Variants in EXOC6 observed in about 807,000 individuals in gnomAD.
The protein encoded by EXOC6 is exocyst complex component 6, also known as SEC15-like 1.
EXOC6 carries 60 observed loss-of-function variants against 112.5 expected under a neutral mutation model. The ratio of observed to expected loss-of-function variants is 0.53; its 90% confidence interval spans 0.43 to 0.66. The LOEUF is 0.66. EXOC6 is among the 30% of genes least tolerant of loss of function. The pLI is 0.00. For synonymous variants in EXOC6, 295 were observed against 308.0 expected (o/e 0.96, Z 0.44); for missense variants, 855 against 957.1 (o/e 0.89, Z 1.41).
intron 18 of EXOC6, among the ~76,000 whole-genome samples, chr10:92,997,196 T>A (rs1324822598): frequency 1.3e-5 from 2 of 152,182 alleles, no homozygotes; most frequent in African/African-American, 4.8e-5. Context: ...AGATCTGAAA[T>A]AATAGTTTTT....
chr10:92,924,864 C>A (rs1806691679), intron 8 of EXOC6, among the ~76,000 whole-genome samples: 1 of 152,122 alleles, frequency 6.6e-6, no homozygotes, highest in Non-Finnish European at 1.5e-5. Context: ...TATACCACTC[C>A]ACATGCCTCT....
chr10:92,899,521 T>C (rs762604764), intron 4 of EXOC6, 78 bp from the exon 5 acceptor site: 59 of 1,021,122 alleles, frequency 5.8e-5, no homozygotes, highest in Non-Finnish European at 8.6e-5. Flanking sequence ...ATATACTCTT[T>C]CCTGCTTTGA....
chr10:92,984,855 C>T (rs182072500), intron 18 of EXOC6, among the ~76,000 whole-genome samples: 16 of 151,888 alleles, frequency 1.1e-4, no homozygotes, highest in Admixed American at 3.9e-4. Flanking sequence ...AAAAATCAGC[C>T]GGGTGTGGTG....
intron 8 of EXOC6, among the ~76,000 whole-genome samples, chr10:92,923,388 AAAC>A (rs1239978371): frequency 1.3e-5 from 2 of 152,206 alleles, no homozygotes; most frequent in Non-Finnish European, 2.9e-5. Flanking sequence ...CACTGCCTTA[AAAC>A]AACAAACATT....
At chr10:92,919,405 A>G (rs139469367) in intron 7 of EXOC6, among the ~76,000 whole-genome samples, 437 of 152,350 alleles carry the variant, frequency 2.9e-3, no homozygotes, top group African/African-American at 9.4e-3. Flanking sequence ...GAGAAACTTT[A>G]TAGTACTACA....
intron 21 of EXOC6, among the ~76,000 whole-genome samples, chr10:93,057,251 A>C (rs1341161734): frequency 6.6e-6 from 1 of 152,126 alleles, no homozygotes; most frequent in Non-Finnish European, 1.5e-5. Flanking sequence ...TGTGAACAAA[A>C]CATCTTTCCT....
At chr10:92,826,987 G>A (rs1054244861) in intron 1 of EXOC6, among the ~76,000 whole-genome samples, 6 of 152,186 alleles carry the variant, frequency 3.9e-5, no homozygotes, top group African/African-American at 1.4e-4. Context: ...AGGGCAGAGG[G>A]AGAGGCAGAA....
Position 93,056,921 on chromosome 10 carries a change from C to T in EXOC6, c.2170-3C>T, listed in dbSNP as rs769033414. 4.1e-5 allele frequency: 64 copies of T among 1,560,238 alleles called. No individual in the cohort carries two copies. The highest frequency in any genetic ancestry group is 5.5e-5 in the Non-Finnish European group (63 of 1,143,860). On this transcript the variant is annotated splice_region_variant and splice_polypyrimidine_tract_variant and intron_variant, in intron 20 of 21. Transcript: ENST00000260762. ...GATTTAACATTTCCCCCATCTTTCG[C>T]AGCTCCTTGACCTGTTTATGGTTTG...
At chr10:93,031,518 T>TC in intron 20 of EXOC6, among the ~76,000 whole-genome samples, 1 of 146,314 alleles carries the variant, frequency 6.8e-6, no homozygotes, top group Non-Finnish European at 1.5e-5. Context: ...TTCTTTTTTT[T>TC]TTTTTTTTTT....
At chr10:92,972,064 T>C (rs534594191) in intron 17 of EXOC6, among the ~76,000 whole-genome samples, 16 of 152,336 alleles carry the variant, frequency 1.1e-4, no homozygotes, top group Non-Finnish European at 1.9e-4. Context: ...CATCTGGTGA[T>C]TGGATACAGA....
intron 20 of EXOC6, among the ~76,000 whole-genome samples, chr10:93,055,261 T>A (rs1448896499): frequency 2.0e-5 from 3 of 152,260 alleles, no homozygotes; most frequent in African/African-American, 7.2e-5. Context: ...TAAAATTCTT[T>A]GTAAACATTA....
intron 1 of EXOC6, among the ~76,000 whole-genome samples, chr10:92,854,007 CAAAA>C (rs34153493): frequency 4.2e-5 from 5 of 120,068 alleles, no homozygotes; most frequent in Non-Finnish European, 3.5e-5. Flanking sequence ...GTCCCTGTCT[CAAAA>C]AAAAAAAAAA....
intron 6 of EXOC6, among the ~76,000 whole-genome samples, chr10:92,914,729 T>G (rs1229839880): frequency 2.6e-5 from 4 of 152,082 alleles, no homozygotes; most frequent in Non-Finnish European, 5.9e-5. Context: ...TCTGATAACC[T>G]AAGTGTAGAG....
intron 20 of EXOC6, among the ~76,000 whole-genome samples, chr10:93,039,919 G>C (rs1000905186): frequency 2.0e-5 from 3 of 152,106 alleles, no homozygotes; most frequent in Non-Finnish European, 4.4e-5. Context: ...TCTCTCTAGT[G>C]GCAGGATGCA....
chr10:93,055,314 CTACT>C (rs761883866), intron 20 of EXOC6, among the ~76,000 whole-genome samples: 13 of 152,230 alleles, frequency 8.5e-5, no homozygotes, highest in Non-Finnish European at 1.5e-4. Context: ...ATAGACCTCA[CTACT>C]TAACCAGTCT....
intron 1 of EXOC6, among the ~76,000 whole-genome samples, chr10:92,869,567 C>G (rs1212360593): frequency 6.6e-6 from 1 of 152,160 alleles, no homozygotes; most frequent in Admixed American, 6.5e-5. Context: ...TACTTGGCCT[C>G]CTAAAGTATT....
At chr10:92,845,480 G>C (rs1216982562), upstream of EXOC6, among the ~76,000 whole-genome samples, 1 of 150,344 alleles carries the variant, frequency 6.7e-6, no homozygotes, top group African/African-American at 2.5e-5. Flanking sequence ...TTGAAAGCGG[G>C]AGGCAGAGGT....
rs117704781 is a variant in EXOC6, at chr10:92,954,061, A to G, written c.1527-569A>G. ...TTTGGGAGGCCAAGGTGGGAGAATT[A>G]CTTGAGTCCAGGAGTTTGAGACCAG... On this transcript the variant is annotated intron_variant, in intron 15 of 21. Coordinates refer to ENST00000260762, the MANE Select transcript of EXOC6 (RefSeq NM_019053.6). 5.4e-3 allele frequency among the ~76,000 whole-genome samples: 826 copies of G among 152,222 alleles called. 6 individuals carry two copies. Among genetic ancestry groups the G allele is most frequent in the Middle Eastern group, 0.017 (5 of 294 alleles).
chr10:92,930,879 C>T (rs894736051), intron 9 of EXOC6, among the ~76,000 whole-genome samples: 9 of 151,794 alleles, frequency 5.9e-5, no homozygotes, highest in Admixed American at 2.0e-4. Flanking sequence ...TTTGGGAGGC[C>T]AAGGCGGGCG....
Sources: gnomAD v4.1 joint callset for allele counts (sites outside exome capture counted in the v4.1 genomes callset) on GRCh38, gnomAD v4.1.1 for gene constraint, MANE v1.5 for transcripts, NCBI Gene and HGNC (gene_info 2026-07-23, HGNC 2026-07-21) for gene names.